The following SETBP1 variants were observed in gnomAD, a reference collection of about 807,000 sequenced individuals.
SETBP1 encodes the protein SET-binding protein.
A neutral mutation model predicts 101.0 loss-of-function variants in SETBP1; 9 were observed. That is an observed-to-expected ratio of 0.09 (90% CI 0.05 to 0.16). SETBP1 has a LOEUF of 0.16. SETBP1 is among the 10% of genes least tolerant of loss of function. SETBP1 has a pLI of 1.00. For missense variants in SETBP1, 1,858 were observed against 2,033.8 expected, an observed-to-expected ratio of 0.91 and a Z score of 1.66; for synonymous variants, 818 against 788.5, an observed-to-expected ratio of 1.04 and a Z score of -0.63.
In SETBP1 at chr18:44,953,252, A is replaced by T. The variant is rs756074065; in HGVS notation, c.3912A>T (p.Glu1304Asp). ...GTGGGAGTAAAAGGAGGAGCTATGAAGGCTTTGGAACGTACAGGGAAAAGG... is the reference window on the plus strand; with the variant it reads ...GTGGGAGTAAAAGGAGGAGCTATGATGGCTTTGGAACGTACAGGGAAAAGG... ...DVSGSKRRSYEGFGTYREKDI... is the reference protein window; with the variant it reads ...DVSGSKRRSYDGFGTYREKDI... The change falls in exon 4 of 6, where the codon GAA (glutamate) becomes GAT (aspartate). Residue 1304 changes from glutamate (E) to aspartate (D), a missense_variant. Coordinates refer to ENST00000649279, the MANE Select transcript of SETBP1 (RefSeq NM_015559.3). 6.2e-7 allele frequency: 1 copy of T among 1,614,166 alleles called. No homozygotes were observed. Among genetic ancestry groups the T allele is most frequent in the Non-Finnish European group, 8.5e-7 (1 of 1,180,032 alleles).
At chr18:44,821,929 G>C (rs1407456111) in intron 2 of SETBP1, among the ~76,000 whole-genome samples, 1 of 152,216 alleles carries the variant, frequency 6.6e-6, no homozygotes, top group African/African-American at 2.4e-5. Context: ...TGACAGCACA[G>C]CCCCTCTTGT....
At chr18:45,047,195 CATCAGACGCCCAGGGA>C (rs1287021150) in intron 5 of SETBP1, among the ~76,000 whole-genome samples, 2 of 152,162 alleles carry the variant, frequency 1.3e-5, no homozygotes, top group African/African-American at 4.8e-5. Flanking sequence ...GGCTGTGAGG[CATCAGACGCCCAGGGA>C]GTCAGGTGCG....
At chr18:44,833,497 C>A (rs894806177) in intron 2 of SETBP1, among the ~76,000 whole-genome samples, 1 of 152,134 alleles carries the variant, frequency 6.6e-6, no homozygotes, top group Non-Finnish European at 1.5e-5. Context: ...CCATGTCTGT[C>A]CTTTGGCCTT....
At chr18:44,921,342 G>T (rs2070575343) in intron 3 of SETBP1, among the ~76,000 whole-genome samples, 1 of 152,140 alleles carries the variant, frequency 6.6e-6, no homozygotes, top group Admixed American at 6.6e-5. Flanking sequence ...CTGACTAGTG[G>T]GTGTCAAGTG....
At chr18:44,852,967 G>T (rs967543544) in intron 2 of SETBP1, among the ~76,000 whole-genome samples, 1 of 152,220 alleles carries the variant, frequency 6.6e-6, no homozygotes, top group East Asian at 1.9e-4. Context: ...GGGAGGGAAG[G>T]GAGATAAGTG....
At chr18:44,961,942 T>C (rs1331852667) in intron 4 of SETBP1, among the ~76,000 whole-genome samples, 1 of 152,202 alleles carries the variant, frequency 6.6e-6, no homozygotes, top group Non-Finnish European at 1.5e-5. Flanking sequence ...CTGTCAGTCT[T>C]ACAGAGCTTT....
chr18:44,768,452 T>C (rs1193590477), intron 2 of SETBP1, among the ~76,000 whole-genome samples: 2 of 152,190 alleles, frequency 1.3e-5, no homozygotes, highest in East Asian at 3.8e-4. Context: ...GGATAAGGTG[T>C]AAATGTTTTC....
chr18:44,960,197 C>T (rs2071582011), intron 4 of SETBP1, among the ~76,000 whole-genome samples: 1 of 151,934 alleles, frequency 6.6e-6, no homozygotes, highest in South Asian at 2.1e-4. Flanking sequence ...GTGACCAGCC[C>T]ATAGTGCCGT....
At chr18:44,761,172 G>T (rs1467178309) in intron 2 of SETBP1, among the ~76,000 whole-genome samples, 1 of 151,692 alleles carries the variant, frequency 6.6e-6, no homozygotes, top group Non-Finnish European at 1.5e-5. Context: ...GTATTTCTAG[G>T]GTATAATGTG....
At chr18:44,910,504 A>G (rs1827006347) in intron 3 of SETBP1, among the ~76,000 whole-genome samples, 1 of 152,166 alleles carries the variant, frequency 6.6e-6, no homozygotes, top group Non-Finnish European at 1.5e-5. Context: ...AACTGAATTG[A>G]AACTGCTCCA....
intron 3 of SETBP1, chr18:44,870,750 G>A (rs2069253825): frequency 6.6e-6 from 1 of 152,140 alleles, no homozygotes; most frequent in African/African-American, 2.4e-5. Context: ...AGGAAATTGT[G>A]TGGTGCTGTT....
At position 45,064,471 on chromosome 18, in the gene SETBP1, C is replaced by G. The variant is rs1334249308; in HGVS notation, c.*773C>G. 6.6e-6 allele frequency: 1 copy of G among 151,688 alleles called. No homozygotes were observed. The highest frequency in any genetic ancestry group is 1.5e-5 in the Non-Finnish European group (1 of 67,958). 9.4% of individuals were successfully genotyped at this position (151,688 alleles called of 1,614,324 possible). On this transcript the variant is annotated 3_prime_UTR_variant, in exon 6 of 6. Coordinates refer to ENST00000649279, the MANE Select transcript of SETBP1 (RefSeq NM_015559.3). ...TGGTACACATTTAAATAAAGTAATC[C>G]TTAACCTGTGCTGTAAAGTTCACCC...
intron 2 of SETBP1, among the ~76,000 whole-genome samples, chr18:44,818,283 G>C (rs1036081441): frequency 1.3e-5 from 2 of 152,132 alleles, no homozygotes; most frequent in African/African-American, 4.8e-5. Flanking sequence ...TCGAGATTTA[G>C]AGGATCATAA....
At chr18:44,742,677 C>A (rs2070124961) in intron 2 of SETBP1, among the ~76,000 whole-genome samples, 1 of 152,150 alleles carries the variant, frequency 6.6e-6, no homozygotes, top group Non-Finnish European at 1.5e-5. Flanking sequence ...TACGCATTAG[C>A]CCCAGGATGT....
chr18:44,920,235 T>A (rs1365799469), intron 3 of SETBP1, among the ~76,000 whole-genome samples: 1 of 152,104 alleles, frequency 6.6e-6, no homozygotes, highest in Non-Finnish European at 1.5e-5. Context: ...CGCATGCCTG[T>A]TATCCATAGG....
Position 44,701,203 on chromosome 18 carries a change from C to T in SETBP1, c.-144C>T, listed in dbSNP as rs1436219140. 1.7e-5 allele frequency: 14 copies of T among 833,014 alleles called. No individual in the cohort carries two copies. The highest frequency in any genetic ancestry group is 2.4e-5 in the Non-Finnish European group (13 of 549,540). 51.6% of individuals were successfully genotyped at this position (833,014 alleles called of 1,614,324 possible). A position where few individuals can be genotyped will look rare whatever the true frequency, so the allele number is the denominator to read the frequency against. Reference sequence around the variant, plus strand: ...CAGATCTGATCTCTTCTGAACACCTCATCGTGTCTCCATCCCTGGGAATCT... The same window carrying T: ...CAGATCTGATCTCTTCTGAACACCTTATCGTGTCTCCATCCCTGGGAATCT... On this transcript the variant is annotated 5_prime_UTR_variant, in exon 2 of 6. Transcript: ENST00000649279.
intron 5 of SETBP1, among the ~76,000 whole-genome samples, chr18:45,052,329 A>G (rs1180133159): frequency 6.6e-6 from 1 of 152,260 alleles, no homozygotes; most frequent in Admixed American, 6.5e-5. Flanking sequence ...CATGGCTTTT[A>G]GGAAGAGGAC....
chr18:44,991,037 G>C (rs62090481), intron 4 of SETBP1, among the ~76,000 whole-genome samples: 14,682 of 151,310 alleles, frequency 0.097, 1,016 homozygotes, highest in Admixed American at 0.21. Flanking sequence ...GATCACCTGA[G>C]GTCAGGAATT....
intron 4 of SETBP1, among the ~76,000 whole-genome samples, chr18:45,008,435 C>T (rs2072773856): frequency 6.6e-6 from 1 of 152,142 alleles, no homozygotes; most frequent in Non-Finnish European, 1.5e-5. Flanking sequence ...CCCAGATGTA[C>T]TTCCAAGAAT....
Sources: gnomAD v4.1 joint callset for allele counts (sites outside exome capture counted in the v4.1 genomes callset) on GRCh38, gnomAD v4.1.1 for gene constraint, MANE v1.5 for transcripts, NCBI Gene and HGNC (gene_info 2026-07-23, HGNC 2026-07-21) for gene names.